Variants in CAMK1D observed in about 807,000 individuals in gnomAD.
CAMK1D encodes calcium/calmodulin dependent protein kinase ID, also known as calcium/calmodulin-dependent protein kinase type 1D.
Under a neutral mutation model 47.7 loss-of-function variants are expected in CAMK1D, and 9 were observed. That is an observed-to-expected ratio of 0.19 (90% CI 0.11 to 0.33). The LOEUF is 0.33. Ranked by LOEUF, CAMK1D falls within the 10% of genes least tolerant of loss-of-function variation. CAMK1D has a pLI of 1.00. For missense variants in CAMK1D, 291 were observed against 488.7 expected (o/e 0.60, Z 3.81); for synonymous variants, 184 against 184.9 (o/e 0.99, Z 0.04).
At chr10:12,462,187 CAG>C (rs1239649135) in intron 1 of CAMK1D, among the ~76,000 whole-genome samples, 1 of 109,036 alleles carries the variant, frequency 9.2e-6, no homozygotes, top group Non-Finnish European at 1.7e-5. Flanking sequence ...TTTTTTTAGG[CAG>C]AGTCTTCCCC....
intron 6 of CAMK1D, among the ~76,000 whole-genome samples, chr10:12,804,866 A>T (rs938170276): frequency 1.6e-4 from 21 of 129,692 alleles, no homozygotes; most frequent in Admixed American, 9.1e-4. Context: ...TGAGCCTGGG[A>T]GTTCAAGGCT....
intron 3 of CAMK1D, among the ~76,000 whole-genome samples, chr10:12,738,608 G>A (rs1049702695): frequency 3.3e-5 from 5 of 151,610 alleles, no homozygotes; most frequent in South Asian, 4.2e-4. Context: ...TGAGGCGGGC[G>A]TATCACGAGG....
intron 5 of CAMK1D, among the ~76,000 whole-genome samples, chr10:12,786,504 C>G (rs914327): frequency 0.18 from 27,535 of 152,254 alleles, 3,061 homozygotes; most frequent in East Asian, 0.46. Context: ...TCCCCCATAA[C>G]AACCATAGTG....
In CAMK1D at chr10:12,464,793, T is replaced by C. The variant is rs1833542630; in HGVS notation, c.93-88432T>C. 1.3e-4 allele frequency among the ~76,000 whole-genome samples: 19 copies of C among 146,916 alleles called. No homozygotes were observed. In the South Asian group the frequency reaches 4.1e-3, roughly 32 times the overall value. On this transcript the variant is annotated intron_variant, in intron 1 of 10. Coordinates refer to ENST00000619168, the MANE Select transcript of CAMK1D (RefSeq NM_153498.4). Reference sequence around the variant, plus strand: ...TCTCGCCACTGCACTCCAGCCTGGGTGACAGAGCGAGACTCCATCTTAAAA... The same window carrying C: ...TCTCGCCACTGCACTCCAGCCTGGGCGACAGAGCGAGACTCCATCTTAAAA...
At chr10:12,663,262 C>A (rs550109942) in intron 2 of CAMK1D, among the ~76,000 whole-genome samples, 1 of 152,246 alleles carries the variant, frequency 6.6e-6, no homozygotes, top group South Asian at 2.1e-4. Flanking sequence ...TGCCCGGCCT[C>A]TACTTTACTA....
chr10:12,482,062 ATG>A (rs1326048580), intron 1 of CAMK1D, among the ~76,000 whole-genome samples: 1 of 152,194 alleles, frequency 6.6e-6, no homozygotes, highest in East Asian at 1.9e-4. Flanking sequence ...CTGTAATGAA[ATG>A]TGTTTCCCTT....
intron 3 of CAMK1D, among the ~76,000 whole-genome samples, chr10:12,745,191 CAGCCAATTTTTTGTATTTTT>C (rs1445950091): frequency 3.9e-5 from 6 of 152,156 alleles, no homozygotes; most frequent in African/African-American, 7.2e-5. Context: ...CCACCACGCC[CAGCCAATTTTTTGTATTTTT>C]AGTAGAGACA....
At chr10:12,571,453 C>CAAAAAAA (rs766454210) in intron 2 of CAMK1D, among the ~76,000 whole-genome samples, 6 of 89,656 alleles carry the variant, frequency 6.7e-5, no homozygotes, top group East Asian at 3.2e-4. Context: ...GACTCCATCA[C>CAAAAAAA]AAAAAAAAAA....
intron 1 of CAMK1D, among the ~76,000 whole-genome samples, chr10:12,379,830 G>A (rs1278503651): frequency 6.6e-6 from 1 of 152,162 alleles, no homozygotes; most frequent in African/African-American, 2.4e-5. Flanking sequence ...TTCATGGCCA[G>A]ATACGACTCT....
At chr10:12,759,165 A>G (rs1410323189) in intron 3 of CAMK1D, among the ~76,000 whole-genome samples, 2 of 152,184 alleles carry the variant, frequency 1.3e-5, no homozygotes, top group Non-Finnish European at 2.9e-5. Flanking sequence ...ACTGGGCAAC[A>G]TGGTGAAACT....
intron 3 of CAMK1D, among the ~76,000 whole-genome samples, chr10:12,683,105 G>A (rs1210168694): frequency 2.4e-5 from 2 of 84,866 alleles, no homozygotes; most frequent in African/African-American, 8.3e-5. Context: ...TTTTTTTTTT[G>A]AGATGGAGTC....
intron 2 of CAMK1D, among the ~76,000 whole-genome samples, chr10:12,606,780 C>G (rs1361844838): frequency 1.3e-5 from 2 of 152,020 alleles, no homozygotes; most frequent in East Asian, 1.9e-4. Context: ...GATGAGAAAC[C>G]TGAGGCTTGT....
chr10:12,541,467 A>G (rs1360850439), intron 1 of CAMK1D, among the ~76,000 whole-genome samples: 1 of 152,162 alleles, frequency 6.6e-6, no homozygotes, highest in Admixed American at 6.5e-5. Flanking sequence ...GGGTTCAAGC[A>G]GTTCTCCTGC....
At chr10:12,640,393 T>C (rs918439822) in intron 2 of CAMK1D, among the ~76,000 whole-genome samples, 1 of 152,144 alleles carries the variant, frequency 6.6e-6, no homozygotes, top group Admixed American at 6.5e-5. Flanking sequence ...ACTGCAAGAA[T>C]AGGAATTGTA....
intron 3 of CAMK1D, among the ~76,000 whole-genome samples, chr10:12,682,929 C>CT (rs530240014): frequency 0.042 from 6,106 of 144,552 alleles, 153 homozygotes; most frequent in South Asian, 0.068. Flanking sequence ...AAGTAAGATT[C>CT]TTTTTTTTTT....
At chr10:12,577,576 TAGG>T (rs1837528819) in intron 2 of CAMK1D, among the ~76,000 whole-genome samples, 1 of 152,370 alleles carries the variant, frequency 6.6e-6, no homozygotes, top group African/African-American at 2.4e-5. Flanking sequence ...AATGATCAAA[TAGG>T]AGATTTTTTT....
intron 1 of CAMK1D, among the ~76,000 whole-genome samples, chr10:12,360,946 T>C (rs1001017423): frequency 2.0e-5 from 3 of 152,148 alleles, no homozygotes; most frequent in Admixed American, 1.3e-4. Flanking sequence ...TAGGTTGGAA[T>C]AGTGTCCACG....
At chr10:12,793,304 A>G (rs757345999) in intron 6 of CAMK1D, among the ~76,000 whole-genome samples, 27 of 152,062 alleles carry the variant, frequency 1.8e-4, no homozygotes, top group Non-Finnish European at 3.2e-4. Context: ...AACCATGACT[A>G]TGGTCTGCAC....
intron 1 of CAMK1D, among the ~76,000 whole-genome samples, chr10:12,430,947 G>A (rs1270681108): frequency 6.6e-6 from 1 of 152,046 alleles, no homozygotes; most frequent in Admixed American, 6.6e-5. Flanking sequence ...ACGGGATTTC[G>A]CCATGCTGGC....
Sources: allele counts gnomAD v4.1 joint callset (sites outside exome capture counted in the v4.1 genomes callset), GRCh38; gene constraint gnomAD v4.1.1; transcripts MANE v1.5; gene names NCBI Gene and HGNC (gene_info 2026-07-23, HGNC 2026-07-21).